ARHGEF3: variants seen among roughly 807,000 people sequenced by gnomAD.
ARHGEF3 encodes 59.8 kDA protein.
In ARHGEF3, 28 loss-of-function variants were observed where a neutral mutation model predicts 63.2. That is an observed-to-expected ratio of 0.44 (90% CI 0.33 to 0.61). The LOEUF is 0.61. Among genes scored for constraint, ARHGEF3 ranks in the 20% least tolerant of loss-of-function variants. The pLI is 0.03. For missense variants in ARHGEF3, 533 were observed against 659.3 expected (o/e 0.81, Z 2.10); for synonymous variants, 266 against 254.2 (o/e 1.05, Z -0.44).
At chr3:56,967,314 T>A (rs1343328374) in intron 2 of ARHGEF3, among the ~76,000 whole-genome samples, 8 of 46,936 alleles carry the variant, frequency 1.7e-4, no homozygotes, top group African/African-American at 5.1e-4. Flanking sequence ...TATTATATAT[T>A]ATATATTATA....
chr3:56,730,217 T>C (rs889323125), intron 9 of ARHGEF3, among the ~76,000 whole-genome samples: 1 of 152,116 alleles, frequency 6.6e-6, no homozygotes, highest in Non-Finnish European at 1.5e-5. Flanking sequence ...AACATGCCCA[T>C]GTTTCTCCAT....
rs1045010474 is a variant in ARHGEF3 at position 56,728,782 on chromosome 3, A to G, written c.*488T>C. On this transcript the variant is annotated 3_prime_UTR_variant, in exon 10 of 10. Coordinates refer to ENST00000296315, the MANE Select transcript of ARHGEF3 (RefSeq NM_019555.3). Reference sequence around the variant, plus strand: ...AGTAAGATCAAACCAAGTTCACTTCATGAGTTGGTCTTTCCTGATTCTCTC... The same window carrying G: ...AGTAAGATCAAACCAAGTTCACTTCGTGAGTTGGTCTTTCCTGATTCTCTC... 1 of 154,410 alleles carries G rather than the reference A, an allele frequency of 6.5e-6. No individual in the cohort carries two copies. Among genetic ancestry groups the G allele is most frequent in the African/African-American group, 2.4e-5 (1 of 41,442 alleles). 9.6% of individuals were successfully genotyped at this position (154,410 alleles called of 1,614,324 possible).
At chr3:57,069,871 C>T (rs1424402517) in intron 1 of ARHGEF3, among the ~76,000 whole-genome samples, 1 of 152,192 alleles carries the variant, frequency 6.6e-6, no homozygotes, top group Non-Finnish European at 1.5e-5. Flanking sequence ...TCTCAAACTC[C>T]TAGCCTGAGG....
rs538257837 is a variant in ARHGEF3, at chr3:56,890,223, C to T, written c.130-7869G>A. Among the ~76,000 whole-genome samples, 177 of 152,208 alleles carry T rather than the reference C, an allele frequency of 1.2e-3. 1 individual carries two copies. The highest frequency in any genetic ancestry group is 3.1e-3 in the African/African-American group (128 of 41,524). Reference sequence around the variant, plus strand: ...CTCCACCTTTGCTACTTGGTGTGACCTTGGGCAAATTACTTCTCTATTCCT... The same window carrying T: ...CTCCACCTTTGCTACTTGGTGTGACTTTGGGCAAATTACTTCTCTATTCCT... On this transcript the variant is annotated intron_variant, in intron 3 of 12. Coordinates refer to the ARHGEF3 transcript ENST00000338458.
chr3:56,988,677 A>C (rs1453066881), intron 2 of ARHGEF3, among the ~76,000 whole-genome samples: 1 of 152,170 alleles, frequency 6.6e-6, no homozygotes, highest in Non-Finnish European at 1.5e-5. Flanking sequence ...TGGTTTTTGC[A>C]ACTGTCTCTT....
intron 2 of ARHGEF3, among the ~76,000 whole-genome samples, chr3:56,967,601 TTA>T (rs1396247080): frequency 2.1e-4 from 19 of 88,690 alleles, no homozygotes; most frequent in African/African-American, 3.6e-4. Flanking sequence ...TAATTATATA[TTA>T]TATATGTTAC....
At chr3:56,856,701 G>GTTTTCTTTT (rs1553768036) in intron 4 of ARHGEF3, among the ~76,000 whole-genome samples, 3 of 106,574 alleles carry the variant, frequency 2.8e-5, no homozygotes, top group African/African-American at 9.0e-5. Flanking sequence ...ATCTTGAGAG[G>GTTTTCTTTT]TTTTTTGTTT....
At chr3:56,889,779 T>A (rs1170058758) in intron 3 of ARHGEF3, among the ~76,000 whole-genome samples, 1 of 152,212 alleles carries the variant, frequency 6.6e-6, no homozygotes, top group African/African-American at 2.4e-5. Flanking sequence ...ATTTGTTTCA[T>A]GGCTGGGCGC....
chr3:56,802,857 T>A (rs955305457), upstream of ARHGEF3, among the ~76,000 whole-genome samples: 2 of 152,150 alleles, frequency 1.3e-5, no homozygotes, highest in Non-Finnish European at 2.9e-5. Flanking sequence ...TGGTAATATA[T>A]CCATCAATAG....
Position 57,025,807 on chromosome 3 carries a change from C to T in ARHGEF3, c.62+9281G>A, listed in dbSNP as rs1703449047. Among the ~76,000 whole-genome samples, 2 of 152,200 alleles carry T rather than the reference C, an allele frequency of 1.3e-5. 1 individual carries two copies. Among genetic ancestry groups the T allele is most frequent in the African/African-American group, 4.8e-5 (2 of 41,450 alleles). ...CTGCCTGTCCTACTCACCAATGTAT[C>T]CATGAGCCCAGCACAGTGCCTGGCA... On this transcript the variant is annotated intron_variant, in intron 2 of 12. Coordinates refer to the ARHGEF3 transcript ENST00000338458.
chr3:56,821,962 CGAGAAGAGAAGAGAAGAGAAGAGAA>C (rs11278622), intron 4 of ARHGEF3, among the ~76,000 whole-genome samples: 8,987 of 118,830 alleles, frequency 0.076, 382 homozygotes, highest in Middle Eastern at 0.098. Flanking sequence ...GACTCTGTCT[CGAGAAGAGAAGAGAAGAGAAGAGAA>C]GAGAAGAGAA....
At chr3:56,920,235 G>A (rs140779734) in intron 3 of ARHGEF3, among the ~76,000 whole-genome samples, 74 of 152,286 alleles carry the variant, frequency 4.9e-4, no homozygotes, top group East Asian at 3.1e-3. Context: ...CCTATAGGGT[G>A]CCTACGATGC....
At chr3:56,817,344 CT>C (rs2038311304) in intron 4 of ARHGEF3, among the ~76,000 whole-genome samples, 1 of 152,166 alleles carries the variant, frequency 6.6e-6, no homozygotes, top group African/African-American at 2.4e-5. Flanking sequence ...AGGAACGAAT[CT>C]CTTCAAAACC....
chr3:56,791,964 G>C (rs2107921340), intron 1 of ARHGEF3, among the ~76,000 whole-genome samples: 1 of 152,170 alleles, frequency 6.6e-6, no homozygotes, highest in East Asian at 1.9e-4. Context: ...CTGCTGGCTG[G>C]GTGCGGTGGC....
chr3:57,042,933 G>A (rs1289573103), intron 1 of ARHGEF3, among the ~76,000 whole-genome samples: 3 of 151,174 alleles, frequency 2.0e-5, no homozygotes, highest in Admixed American at 6.6e-5. Flanking sequence ...TCCTGACCTC[G>A]TGATCTGCCC....
chr3:56,955,934 A>G (rs1185294858), intron 3 of ARHGEF3, among the ~76,000 whole-genome samples: 1 of 152,246 alleles, frequency 6.6e-6, no homozygotes, highest in Non-Finnish European at 1.5e-5. Context: ...GTTTTGGCCA[A>G]GGAGGAATCT....
chr3:56,784,845 G>A (rs866388298), intron 1 of ARHGEF3, among the ~76,000 whole-genome samples: 1 of 152,140 alleles, frequency 6.6e-6, no homozygotes, highest in Non-Finnish European at 1.5e-5. Context: ...CTACGACCTT[G>A]GGCCCAAAAT....
At chr3:56,983,159 T>C (rs1393731769) in intron 2 of ARHGEF3, among the ~76,000 whole-genome samples, 1 of 152,186 alleles carries the variant, frequency 6.6e-6, no homozygotes, top group African/African-American at 2.4e-5. Flanking sequence ...TGTATGTATA[T>C]ATGTATTTAT....
chr3:56,799,565 C>G (rs2037538479), intron 1 of ARHGEF3, among the ~76,000 whole-genome samples: 1 of 152,168 alleles, frequency 6.6e-6, no homozygotes, highest in East Asian at 1.9e-4. Context: ...ATTATATAAT[C>G]ATGTTTTTCA....
Sources: gnomAD v4.1 joint callset for allele counts (sites outside exome capture counted in the v4.1 genomes callset) on GRCh38, gnomAD v4.1.1 for gene constraint, MANE v1.5 for transcripts, NCBI Gene and HGNC (gene_info 2026-07-23, HGNC 2026-07-21) for gene names.